Variants in MYH14 observed in about 807,000 individuals in gnomAD.
MYH14 encodes myosin heavy chain 14, also known as myosin-14.
A neutral mutation model predicts 255.5 loss-of-function variants in MYH14; 123 were observed. The observed-to-expected ratio is 0.48, with a 90% CI of 0.42 to 0.56. The LOEUF (loss-of-function observed/expected upper bound fraction) is 0.56. Ranked by LOEUF, MYH14 falls within the 20% of genes least tolerant of loss-of-function variation. MYH14 has a pLI of 0.00. For missense variants in MYH14, 2,423 were observed against 2,802.3 expected (o/e 0.86, Z 3.06); for synonymous variants, 1,095 against 1,161.2 (o/e 0.94, Z 1.16).
At chr19:50,205,380 T>C (rs1305153927) in intron 1 of MYH14, 1 of 153,082 alleles carries the variant, frequency 6.5e-6, no homozygotes, top group Non-Finnish European at 1.5e-5. Flanking sequence ...GCCCTGAAGC[T>C]CCAGGCCCGC....
chr19:50,231,183 C>T (rs928870043), intron 9 of MYH14, among the ~76,000 whole-genome samples: 1 of 152,254 alleles, frequency 6.6e-6, no homozygotes, highest in Non-Finnish European at 1.5e-5. Flanking sequence ...GCTCCTGGCT[C>T]CTTCCTCCTG....
In MYH14 at chr19:50,250,604, G is replaced by A. The variant is rs1422136892; in HGVS notation, c.1746G>A (p.Gln582=). The change falls in exon 15 of 43, where the codon CAG becomes CAA. Residue 582 remains glutamine, a synonymous_variant. Transcript: ENST00000642316. The surrounding 1 kb of genome is among the most constrained non-coding windows in gnomAD (Gnocchi z 5.4). The part of the protein sequence containing the change: ...TDKSFVEKVA[Q]EQGGHPKFQR... ...AGTCGTTTGTGGAGAAGGTAGCCCA[G>A]GAGCAGGGCGGCCACCCCAAGTTCC... The A allele has an allele frequency of 1.2e-6, 2 of 1,614,054 alleles. No individual in the cohort carries two copies. The highest frequency in any genetic ancestry group is 2.2e-5 in the South Asian group (2 of 91,086).
chr19:50,235,399 C>CA (rs5828427), intron 10 of MYH14, among the ~76,000 whole-genome samples: 1 of 3,676 alleles, frequency 2.7e-4, no homozygotes, highest in African/African-American at 4.2e-4. Flanking sequence ...CTCCAGCTGG[C>CA]CCCCCAGCTC....
intron 41 of MYH14, chr19:50,308,530 T>A (rs1479840267): frequency 6.5e-6 from 1 of 154,780 alleles, no homozygotes; most frequent in Non-Finnish European, 1.4e-5. Context: ...ATAGGAAGGC[T>A]GAACGATAAG....
intron 10 of MYH14, among the ~76,000 whole-genome samples, chr19:50,235,243 A>C (rs2033606447): frequency 6.6e-6 from 1 of 151,962 alleles, no homozygotes; most frequent in South Asian, 2.1e-4. Flanking sequence ...CTGTAGTCCC[A>C]GCTACTCAGG....
At chr19:50,281,962 A>G in intron 33 of MYH14, 120 bp downstream of exon 33, 1 of 1,064,692 alleles carries the variant, frequency 9.4e-7, no homozygotes, top group Non-Finnish European at 1.4e-6. Flanking sequence ...GTAGTGGACC[A>G]GGAAGCAAGA....
At chr19:50,226,766 G>A (rs2033126321) in intron 7 of MYH14, 137 bp from the exon 8 acceptor site, 2 of 780,104 alleles carry the variant, frequency 2.6e-6, no homozygotes, top group East Asian at 2.7e-5. Flanking sequence ...ACAGGATGGG[G>A]TTCAGGTAGA....
At chr19:50,263,523 C>G (rs2034966934) in intron 22 of MYH14, 103 bp downstream of exon 22, 2 of 714,308 alleles carry the variant, frequency 2.8e-6, no homozygotes, top group Admixed American at 6.5e-5. Flanking sequence ...CAGTTTTCTG[C>G]ATCACTAAAA....
At chr19:50,246,177 T>G (rs113406880) in intron 11 of MYH14, among the ~76,000 whole-genome samples, 7,464 of 143,024 alleles carry the variant, frequency 0.052, 301 homozygotes, top group Admixed American at 0.13. Context: ...AAATGAAGTC[T>G]CGCCCAGACT....
Position 50,244,479 on chromosome 19 carries a change from A to AT in MYH14, c.1210+164dup, listed in dbSNP as rs36011027. ...ACCCAGGATCACTCTGATTTCCTGC[A>AT]TTTTTTTTTTTTTTTTTTTTTTGAG... is the stretch of plus-strand genomic sequence containing the variant. On this transcript the variant is annotated intron_variant, in intron 11 of 42. Transcript: ENST00000642316. 7,760 of 434,450 alleles carry AT rather than the reference A, an allele frequency of 0.018. 40 individuals are homozygous for AT. Among genetic ancestry groups the AT allele is most frequent in the East Asian group, 0.054 (1,313 of 24,288 alleles). The allele number at this position is 434,450 out of a possible 1,614,324, so 26.9% of individuals were successfully genotyped here. A position where few individuals can be genotyped will look rare whatever the true frequency, so the allele number is the denominator to read the frequency against.
intron 6 of MYH14, chr19:50,224,843 G>A: frequency 2.2e-6 from 1 of 456,440 alleles, no homozygotes; most frequent in South Asian, 1.5e-5. Context: ...GGTGGCTCAG[G>A]TCTATAATCC....
chr19:50,210,148 G>T (rs1040328692), intron 1 of MYH14, among the ~76,000 whole-genome samples: 1 of 144,084 alleles, frequency 6.9e-6, no homozygotes, highest in East Asian at 2.1e-4. Flanking sequence ...CTCTGAGCCT[G>T]GTTCACAGCC....
Position 50,273,710 on chromosome 19 carries a change from C to T in MYH14, c.3467+979C>T, listed in dbSNP as rs148536927. Among the ~76,000 whole-genome samples the T allele has an allele frequency of 7.3e-5, 11 of 151,254 alleles. No individual in the cohort carries two copies. The East Asian group carries it at 1.6e-3, about 22-fold the overall frequency. On this transcript the variant is annotated intron_variant, in intron 27 of 42. Coordinates refer to ENST00000642316, the MANE Select transcript of MYH14 (RefSeq NM_001145809.2). ...AGGCTGGAGTGCAATGGTGTGATTT[C>T]GGCTCACTGCAACCTCTGCCTCCCA...
chr19:50,264,130 C>T (rs1424750724), intron 22 of MYH14, among the ~76,000 whole-genome samples: 1 of 141,710 alleles, frequency 7.1e-6, no homozygotes, highest in Non-Finnish European at 1.5e-5. Context: ...AGAGACCAAG[C>T]ATGAGCCTAC....
In MYH14 at chr19:50,223,463, C is replaced by T. The variant is rs898239238; in HGVS notation, c.693+114C>T. 1.4e-5 allele frequency: 11 copies of T among 771,188 alleles called. No homozygotes were observed. The African/African-American group carries it at 1.9e-4, about 13-fold the overall frequency. The allele number at this position is 771,188 out of a possible 1,614,324, so 47.8% of individuals were successfully genotyped here. A position where few individuals can be genotyped will look rare whatever the true frequency, so the allele number is the denominator to read the frequency against. Reference sequence around the variant, plus strand: ...TCATGGAGGTCCTTCTCCTAGACGCCTATGCCACCTGAGCACCTACTGTGT... The same window carrying T: ...TCATGGAGGTCCTTCTCCTAGACGCTTATGCCACCTGAGCACCTACTGTGT... On this transcript the variant is annotated intron_variant, in intron 5 of 42. Coordinates refer to ENST00000642316, the MANE Select transcript of MYH14 (RefSeq NM_001145809.2).
chr19:50,286,447 T>C (rs915284623), intron 33 of MYH14, 35 bp from the exon 34 acceptor site: 1 of 1,584,656 alleles, frequency 6.3e-7, no homozygotes, highest in Admixed American at 1.8e-5. Flanking sequence ...TCAGCTAATC[T>C]ATTTCCCCCT....
At position 50,266,891 on chromosome 19, in the gene MYH14, G is replaced by A. The variant is rs971531998; in HGVS notation, c.2709G>A (p.Leu903=). 1.3e-6 allele frequency: 2 copies of A among 1,551,912 alleles called. No homozygotes were observed. Among genetic ancestry groups the A allele is most frequent in the Non-Finnish European group, 8.7e-7 (1 of 1,147,082 alleles). The change falls in exon 23 of 43, where the codon CTG becomes CTA. Residue 903 remains leucine (L), a synonymous_variant. Transcript: ENST00000642316. The surrounding 1 kb of genome is among the most constrained non-coding windows in gnomAD (Gnocchi z 4.1). ...CCTCCACCTAGGTGAAGCCACTGCTGCAGGTGACGCGGCAGGATGAGGTGC... is the reference window on the plus strand; with the variant it reads ...CCTCCACCTAGGTGAAGCCACTGCTACAGGTGACGCGGCAGGATGAGGTGC... ...WRLFTKVKPL[L]QVTRQDEVLQ...
chr19:50,248,906 G>C, intron 12 of MYH14, 81 bp from the exon 13 acceptor site: 1 of 1,494,742 alleles, frequency 6.7e-7, no homozygotes, highest in Non-Finnish European at 9.2e-7. Flanking sequence ...ACGAGCTGGG[G>C]GCCCTTCCCC....
intron 1 of MYH14, among the ~76,000 whole-genome samples, chr19:50,207,271 C>CAGACAGAGAGAGAG (rs2031835604): frequency 1.3e-5 from 1 of 76,804 alleles, no homozygotes; most frequent in Non-Finnish European, 2.5e-5. Flanking sequence ...GAGAGAGAGA[C>CAGACAGAGAGAGAG]AGAGAGAGAG....
Sources: gnomAD v4.1 joint callset for allele counts (sites outside exome capture counted in the v4.1 genomes callset) on GRCh38, gnomAD v4.1.1 for gene constraint, Gnocchi (gnomAD v3.1) non-coding constraint, MANE v1.5 for transcripts, NCBI Gene and HGNC (gene_info 2026-07-23, HGNC 2026-07-21) for gene names.